KCNH7: variants seen among roughly 807,000 people sequenced by gnomAD.
KCNH7 encodes the protein potassium voltage-gated channel subfamily H member 7, also known as voltage-gated inwardly rectifying potassium channel KCNH7.
In KCNH7, 49 loss-of-function variants were observed where a neutral mutation model predicts 120.8. The observed-to-expected ratio is 0.41, with a 90% CI of 0.32 to 0.51. The LOEUF is 0.51. Among genes scored for constraint, KCNH7 ranks in the 20% least tolerant of loss-of-function variants. The probability of loss-of-function intolerance (pLI) is 0.38; values close to 1 mark genes in which losing one functional copy is unlikely to be tolerated. For synonymous variants in KCNH7, 547 were observed against 516.1 expected, an observed-to-expected ratio of 1.06 and a Z score of -0.81; for missense variants, 1,097 against 1,446.6, an observed-to-expected ratio of 0.76 and a Z score of 3.92.
At chr2:162,465,344 C>T (rs908678865) in intron 6 of KCNH7, among the ~76,000 whole-genome samples, 2 of 151,992 alleles carry the variant, frequency 1.3e-5, no homozygotes, top group East Asian at 3.9e-4. Context: ...GTAATCATTG[C>T]GTTGGTGATA....
At chr2:162,490,797 C>T (rs890189048) in intron 6 of KCNH7, among the ~76,000 whole-genome samples, 2 of 152,174 alleles carry the variant, frequency 1.3e-5, no homozygotes, top group Non-Finnish European at 2.9e-5. Context: ...CATGGCACCT[C>T]TTTTTAAATG....
intron 2 of KCNH7, among the ~76,000 whole-genome samples, chr2:162,642,627 A>G (rs16847049): frequency 0.11 from 16,676 of 152,184 alleles, 1,713 homozygotes; most frequent in East Asian, 0.3. Context: ...GCTGTTATAG[A>G]GCGTCTTTCA....
intron 2 of KCNH7, among the ~76,000 whole-genome samples, chr2:162,608,499 G>A (rs999390209): frequency 1.3e-5 from 2 of 152,112 alleles, no homozygotes; most frequent in African/African-American, 4.8e-5. Flanking sequence ...GGCAAGTGGG[G>A]ATCACTTTGT....
intron 6 of KCNH7, among the ~76,000 whole-genome samples, chr2:162,488,457 AC>A (rs1690180110): frequency 6.6e-6 from 1 of 152,172 alleles, no homozygotes; most frequent in South Asian, 2.1e-4. Flanking sequence ...GGTAGCAAAG[AC>A]CACCATCAAT....
chr2:162,405,018 A>G (rs1687167551), intron 9 of KCNH7, among the ~76,000 whole-genome samples: 1 of 152,072 alleles, frequency 6.6e-6, no homozygotes, highest in African/African-American at 2.4e-5. Flanking sequence ...GAAATTCTCA[A>G]GGTAAGAATT....
chr2:162,701,999 G>A (rs1686521068), intron 2 of KCNH7, among the ~76,000 whole-genome samples: 1 of 137,258 alleles, frequency 7.3e-6, no homozygotes, highest in Admixed American at 6.9e-5. Context: ...AGAGTGAGAC[G>A]CCATCTCAAA....
At chr2:162,585,163 C>T (rs1377611254) in intron 2 of KCNH7, among the ~76,000 whole-genome samples, 1 of 151,980 alleles carries the variant, frequency 6.6e-6, no homozygotes, top group Non-Finnish European at 1.5e-5. Context: ...CCCCTCTCAC[C>T]TTGTTCTCCT....
chr2:162,614,374 T>C (rs1273559430), intron 2 of KCNH7, among the ~76,000 whole-genome samples: 1 of 152,068 alleles, frequency 6.6e-6, no homozygotes, highest in Non-Finnish European at 1.5e-5. Flanking sequence ...AGCATTGCTG[T>C]ATGGAAAGTC....
chr2:162,802,859 A>T (rs1684399651), intron 2 of KCNH7, among the ~76,000 whole-genome samples: 1 of 151,794 alleles, frequency 6.6e-6, no homozygotes, highest in African/African-American at 2.4e-5. Context: ...TAACACAAAC[A>T]TATTTTATGC....
intron 2 of KCNH7, among the ~76,000 whole-genome samples, chr2:162,786,710 T>A (rs998115819): frequency 2.6e-5 from 4 of 152,210 alleles, no homozygotes; most frequent in Non-Finnish European, 5.9e-5. Context: ...TGACCTATGT[T>A]GATTTGGGGA....
intron 2 of KCNH7, among the ~76,000 whole-genome samples, chr2:162,615,014 A>C (rs1217302659): frequency 6.6e-6 from 1 of 152,210 alleles, no homozygotes; most frequent in East Asian, 1.9e-4. Context: ...GTTTAAATGT[A>C]AGACATCGTT....
rs1691380904 is a variant in KCNH7, at chr2:162,518,132, C to A, written c.490G>T (p.Gly164Cys). The A allele has an allele frequency of 1.9e-6, 3 of 1,609,794 alleles. No individual in the cohort carries two copies. Among genetic ancestry groups the A allele is most frequent in the Non-Finnish European group, 2.5e-6 (3 of 1,177,358 alleles). Residue 164 changes from glycine to cysteine, a missense_variant, in exon 4 of 16, where the codon GGT becomes TGT. Gly to Cys is a radical substitution (Grantham distance 159). Around this residue, in one of 8 missense-constraint regions of KCNH7, gnomAD observed 362 missense variants for 372.2 expected, o/e 0.97. Transcript: ENST00000332142. The stretch of plus-strand genomic sequence containing the variant: ...TTTCTGTAAGTGAGAACTCTCAGAC[C>A]AGGGAATTTGAACCCAAAAAATTTC... ...NRKFFGFKFP[G>C]LRVLTYRKQS...
chr2:162,752,361 G>A (rs1368382916), intron 2 of KCNH7, among the ~76,000 whole-genome samples: 2 of 152,040 alleles, frequency 1.3e-5, no homozygotes, highest in Non-Finnish European at 2.9e-5. Context: ...AACTGTTATT[G>A]ATACATGTCA....
rs775237555 is a variant in KCNH7 at position 162,578,195 on chromosome 2, G to A, written c.308-41115C>T. ...TGAGAGAGACAGTGGGTCCTTCAAC[G>A]CTAGCTGAGACAATACCAAAGAGGG... is the stretch of plus-strand genomic sequence containing the variant. On this transcript the variant is annotated intron_variant, in intron 2 of 15. Coordinates refer to ENST00000332142, the MANE Select transcript of KCNH7 (RefSeq NM_033272.4). Among the ~76,000 whole-genome samples, 8 of 152,082 alleles carry A rather than the reference G, an allele frequency of 5.3e-5. No homozygotes were observed. The South Asian group carries it at 1.2e-3, about 24-fold the overall frequency.
intron 2 of KCNH7, among the ~76,000 whole-genome samples, chr2:162,794,745 T>C (rs1684077687): frequency 6.6e-6 from 1 of 152,056 alleles, no homozygotes; most frequent in Admixed American, 6.6e-5. Context: ...TATTGTATAA[T>C]TTATGCATTC....
chr2:162,443,156 C>T (rs933017740), intron 7 of KCNH7, among the ~76,000 whole-genome samples: 2 of 152,158 alleles, frequency 1.3e-5, no homozygotes, highest in African/African-American at 4.8e-5. Context: ...ACACAGAAAA[C>T]TGACACATGG....
chr2:162,651,800 G>A (rs1194940667), intron 2 of KCNH7, among the ~76,000 whole-genome samples: 1 of 152,116 alleles, frequency 6.6e-6, no homozygotes, highest in Non-Finnish European at 1.5e-5. Flanking sequence ...CAATGGTTGA[G>A]TTAATTTACA....
At chr2:162,548,832 C>G (rs753271679) in intron 2 of KCNH7, among the ~76,000 whole-genome samples, 3 of 152,074 alleles carry the variant, frequency 2.0e-5, no homozygotes, top group Non-Finnish European at 4.4e-5. Flanking sequence ...ATTAAATAAG[C>G]AGTATCTGTA....
intron 2 of KCNH7, among the ~76,000 whole-genome samples, chr2:162,586,224 T>A (rs144733757): frequency 2.0e-5 from 3 of 152,222 alleles, no homozygotes; most frequent in Admixed American, 2.0e-4. Context: ...GGGCTGATCT[T>A]GCATCTTGCT....
Sources: allele counts gnomAD v4.1 joint callset (sites outside exome capture counted in the v4.1 genomes callset), GRCh38; gene constraint gnomAD v4.1.1; regional missense constraint gnomAD v4.1.1; transcripts MANE v1.5; gene names NCBI Gene and HGNC (gene_info 2026-07-23, HGNC 2026-07-21).